Variants in ATP6V0E1 observed in about 807,000 individuals in gnomAD.
The protein encoded by ATP6V0E1 is ATPase H+ transporting V0 subunit e1.
Under a neutral mutation model 11.6 loss-of-function variants are expected in ATP6V0E1, and 4 were observed. That is an observed-to-expected ratio of 0.35 (90% CI 0.17 to 0.79). The LOEUF (loss-of-function observed/expected upper bound fraction) is 0.79. Among genes scored for constraint, ATP6V0E1 ranks in the 30% least tolerant of loss-of-function variants. The pLI, the probability that ATP6V0E1 is intolerant of heterozygous loss-of-function variation, is 0.54. For missense variants in ATP6V0E1, 105 were observed against 100.0 expected (o/e 1.05, Z -0.21); for synonymous variants, 36 against 34.8 (o/e 1.04, Z -0.13).
At position 173,025,935 on chromosome 5, in the gene ATP6V0E1, G is replaced by A. The variant is rs953259708; in HGVS notation, c.*36+5568G>A. Among the ~76,000 whole-genome samples, 8 of 152,172 alleles carry A rather than the reference G, an allele frequency of 5.3e-5. No individual in the cohort carries two copies. The East Asian group carries it at 1.5e-3, about 29-fold the overall frequency. The stretch of plus-strand genomic sequence containing the variant: ...GCTGTTTGGTGCGGTGAGGCAGAAG[G>A]ATCTCTTGAGCCCAGAGTTTGAGAC... On this transcript the variant is annotated intron_variant, in intron 3 of 3. Transcript: ENST00000519374.
At chr5:173,022,977 TG>T (rs1416422810) in intron 3 of ATP6V0E1, among the ~76,000 whole-genome samples, 2 of 152,010 alleles carry the variant, frequency 1.3e-5, no homozygotes, top group Non-Finnish European at 2.9e-5. Flanking sequence ...GAGATCGACC[TG>T]TCTTAGCCTC....
intron 3 of ATP6V0E1, among the ~76,000 whole-genome samples, chr5:173,031,851 T>C (rs984779529): frequency 6.7e-6 from 1 of 150,306 alleles, no homozygotes; most frequent in African/African-American, 2.5e-5. Flanking sequence ...TTCCTTAATT[T>C]ACTCCAAAAT....
At chr5:172,991,104 A>C (rs1339170166) in intron 1 of ATP6V0E1, among the ~76,000 whole-genome samples, 1 of 152,050 alleles carries the variant, frequency 6.6e-6, no homozygotes, top group Non-Finnish European at 1.5e-5. Context: ...TAGGCATGCT[A>C]CTGCATCCAG....
At chr5:173,004,347 C>T (rs550335778) in intron 2 of ATP6V0E1, among the ~76,000 whole-genome samples, 2 of 152,252 alleles carry the variant, frequency 1.3e-5, no homozygotes, top group Non-Finnish European at 2.9e-5. Flanking sequence ...TAACCCCAGT[C>T]GCCAAAGCCT....
chr5:172,989,250 G>T (rs181696317), intron 1 of ATP6V0E1, among the ~76,000 whole-genome samples: 83 of 152,158 alleles, frequency 5.5e-4, no homozygotes, highest in African/African-American at 1.9e-3. Context: ...TGGGTGGGTG[G>T]ATTGTTTGAG....
At chr5:173,009,160 A>G (rs915756056) in intron 2 of ATP6V0E1, among the ~76,000 whole-genome samples, 1 of 152,016 alleles carries the variant, frequency 6.6e-6, no homozygotes, top group Non-Finnish European at 1.5e-5. Context: ...AGGAAAGCAG[A>G]GGTTATGGTG....
At chr5:173,011,031 C>T (rs1422486333) in intron 2 of ATP6V0E1, among the ~76,000 whole-genome samples, 1 of 152,168 alleles carries the variant, frequency 6.6e-6, no homozygotes, top group African/African-American at 2.4e-5. Context: ...TTCTACTACT[C>T]TCCTTGGCTT....
intron 2 of ATP6V0E1, among the ~76,000 whole-genome samples, chr5:173,001,937 C>T (rs1272515512): frequency 6.6e-6 from 1 of 152,122 alleles, no homozygotes; most frequent in East Asian, 1.9e-4. Flanking sequence ...AGGCTAGTCT[C>T]GAACTCCTGC....
At chr5:173,015,763 G>A (rs1756389788) in intron 2 of ATP6V0E1, among the ~76,000 whole-genome samples, 1 of 152,126 alleles carries the variant, frequency 6.6e-6, no homozygotes, top group Non-Finnish European at 1.5e-5. Flanking sequence ...GTCTCACTCT[G>A]TCATCCAGGC....
intron 1 of ATP6V0E1, among the ~76,000 whole-genome samples, chr5:172,993,558 AAAAT>A (rs768276204): frequency 4.0e-5 from 6 of 151,640 alleles, no homozygotes; most frequent in Non-Finnish European, 7.4e-5. Context: ...AAAATAAAGA[AAAAT>A]AAGAGTTCTG....
intron 2 of ATP6V0E1, among the ~76,000 whole-genome samples, chr5:173,012,733 G>C (rs550879379): frequency 2.0e-5 from 3 of 150,362 alleles, no homozygotes; most frequent in Non-Finnish European, 4.4e-5. Context: ...TCCAGGCTGG[G>C]CAATGAGTGA....
chr5:173,031,844 C>T (rs1394410007), intron 3 of ATP6V0E1, among the ~76,000 whole-genome samples: 2 of 149,484 alleles, frequency 1.3e-5, no homozygotes, highest in Non-Finnish European at 3.0e-5. Flanking sequence ...AAAAAGCTTC[C>T]TTAATTTACT....
At chr5:172,990,424 AAAAGG>A (rs1401783211) in intron 1 of ATP6V0E1, among the ~76,000 whole-genome samples, 1 of 152,134 alleles carries the variant, frequency 6.6e-6, no homozygotes. Context: ...GGGGGAGGAG[AAAAGG>A]AAAGAGCGCA....
chr5:173,020,637 C>A, intron 3 of ATP6V0E1: 1 of 532,018 alleles, frequency 1.9e-6, no homozygotes, highest in East Asian at 4.8e-5. Flanking sequence ...CTTTCAGACG[C>A]AGATCAAAAA....
chr5:173,005,048 CAG>C (rs1392546100), intron 2 of ATP6V0E1, among the ~76,000 whole-genome samples: 1 of 151,712 alleles, frequency 6.6e-6, no homozygotes, highest in Non-Finnish European at 1.5e-5. Flanking sequence ...TTGAGTATTG[CAG>C]AGTTATGTTA....
Position 173,034,766 on chromosome 5 carries a change from G to C in ATP6V0E1, c.*404G>C. 1 of 286,452 alleles carries C rather than the reference G, an allele frequency of 3.5e-6. No homozygotes were observed. Among genetic ancestry groups the C allele is most frequent in the East Asian group, 6.5e-5 (1 of 15,502 alleles). 17.7% of individuals were successfully genotyped at this position (286,452 alleles called of 1,614,324 possible). On this transcript the variant is annotated 3_prime_UTR_variant, in exon 4 of 4. Transcript: ENST00000519374. The stretch of plus-strand genomic sequence containing the variant: ...AAGACAAACAAGACTCCAGTGGGGT[G>C]GTCAGTAGGAGAGCACGTTCAGAGG...
chr5:172,983,892 T>C lies in ATP6V0E1; in HGVS notation c.32T>C (p.Ile11Thr). The change falls in exon 1 of 4, where the codon ATT (isoleucine) becomes ACT (threonine). Residue 11 changes from isoleucine to threonine, a missense_variant. Physicochemically the swap from Ile to Thr is moderately conservative, Grantham distance 89. Coordinates refer to ENST00000519374, the MANE Select transcript of ATP6V0E1 (RefSeq NM_003945.4). MAYHGLTVPL[I>T]VMSVFWGFVG... ...TATCACGGCCTCACTGTGCCTCTCA[T>C]TGTGATGAGCGTGTTCTGGGGCTTC... The C allele has an allele frequency of 6.2e-7, 1 of 1,613,670 alleles. No homozygotes were observed.
At chr5:172,997,499 A>C (rs1285356391) in intron 2 of ATP6V0E1, among the ~76,000 whole-genome samples, 3 of 152,128 alleles carry the variant, frequency 2.0e-5, no homozygotes, top group Admixed American at 6.5e-5. Context: ...TCATTCCACA[A>C]AATTGGAAGT....
At chr5:172,998,535 C>T (rs1047181316) in intron 2 of ATP6V0E1, among the ~76,000 whole-genome samples, 36 of 149,136 alleles carry the variant, frequency 2.4e-4, no homozygotes, top group Non-Finnish European at 3.1e-4. Context: ...TGCTTGAACC[C>T]GGGAGGTGGA....
Sources: gnomAD v4.1 joint callset for allele counts (sites outside exome capture counted in the v4.1 genomes callset) on GRCh38, gnomAD v4.1.1 for gene constraint, MANE v1.5 for transcripts, NCBI Gene and HGNC (gene_info 2026-07-23, HGNC 2026-07-21) for gene names.